CD72: variants seen among roughly 807,000 people sequenced by gnomAD.
CD72 encodes CD72 molecule, also known as B-cell differentiation antigen CD72.
A neutral mutation model predicts 50.7 loss-of-function variants in CD72; 28 were observed. That is an observed-to-expected ratio of 0.55 (90% CI 0.41 to 0.76). The LOEUF (loss-of-function observed/expected upper bound fraction) is 0.76, where lower values mean the gene tolerates loss of function less well. CD72 is among the 30% of genes least tolerant of loss of function. The pLI is 0.00. For synonymous variants in CD72, 176 were observed against 171.2 expected, an observed-to-expected ratio of 1.03 and a Z score of -0.22; for missense variants, 403 against 420.6, an observed-to-expected ratio of 0.96 and a Z score of 0.37.
At chr9:35,634,519 A>C (rs139634528) in intron 1 of CD72, among the ~76,000 whole-genome samples, 5,600 of 152,114 alleles carry the variant, frequency 0.037, 114 homozygotes, top group Non-Finnish European at 0.045. Flanking sequence ...GGCCCAGCTA[A>C]TTTTTGTATT....
At chr9:35,634,913 C>A (rs1823275545) in intron 1 of CD72, among the ~76,000 whole-genome samples, 1 of 152,210 alleles carries the variant, frequency 6.6e-6, no homozygotes, top group Admixed American at 6.5e-5. Context: ...TTTCTTGCTT[C>A]TTCTCTTCCC....
rs1188752988 is a variant in CD72 at position 35,617,215 on chromosome 9, T to C, written c.223A>G (p.Arg75Gly). Residue 75 changes from arginine (R) to glycine (G), a missense_variant, in exon 3 of 9, where the codon AGA becomes GGA. Arg to Gly is a moderately radical substitution (Grantham distance 125). Transcript: ENST00000259633. ...CCGACAGCTGGTGACGTCACGGCTC[T>C]CCAGGACGCAGTTGGCTGCTCCGAC... ...VKSEQPTASWRAVTSPAVGRI... is the reference protein window; with the variant it reads ...VKSEQPTASWGAVTSPAVGRI... 1 of 1,569,296 alleles carries C rather than the reference T, an allele frequency of 6.4e-7. No homozygotes were observed. The highest frequency in any genetic ancestry group is 1.9e-5 in the Admixed American group (1 of 53,974).
upstream of CD72, among the ~76,000 whole-genome samples, chr9:35,622,714 G>A (rs1823155974): frequency 6.6e-6 from 1 of 152,044 alleles, no homozygotes; most frequent in Non-Finnish European, 1.5e-5. Flanking sequence ...TTAAACCCGG[G>A]AGGCAGAGGT....
chr9:35,610,701 A>C lies in CD72; in HGVS notation c.1003T>G (p.Trp335Gly), dbSNP rs747292776. ...CNKVHKTWSW[W>G]TLESESCRSS... ...CTACATGACTCTGACTCCAGTGTCCACCATGACCAAGTTTTATGTACCTTG... is the reference window on the plus strand; with the variant it reads ...CTACATGACTCTGACTCCAGTGTCCCCCATGACCAAGTTTTATGTACCTTG... Residue 335 changes from tryptophan to glycine, a missense_variant, in exon 8 of 9, where the codon TGG (tryptophan) becomes GGG (glycine). Transcript: ENST00000259633. 3 of 1,611,072 alleles carry C rather than the reference A, an allele frequency of 1.9e-6. No homozygotes were observed. The highest frequency in any genetic ancestry group is 1.6e-4 in the Middle Eastern group (1 of 6,078).
upstream of CD72, among the ~76,000 whole-genome samples, chr9:35,620,471 C>T (rs1461885957): frequency 2.7e-5 from 3 of 112,902 alleles, no homozygotes; most frequent in Admixed American, 2.7e-4. Flanking sequence ...GCTCCATCTC[C>T]AAAAAAAAAA....
upstream of CD72, chr9:35,618,838 T>A: frequency 8.6e-7 from 1 of 1,165,820 alleles, no homozygotes; most frequent in Non-Finnish European, 1.1e-6. Context: ...TCCTGGGGGT[T>A]CCAGTAACTG....
intron 8 of CD72, 83 bp downstream of exon 8, chr9:35,610,519 C>T (rs1295091511): frequency 2.0e-6 from 2 of 988,978 alleles, no homozygotes; most frequent in Non-Finnish European, 2.8e-6. Context: ...TCTCTCGGGC[C>T]CCTGGGCCCC....
At chr9:35,641,201 G>A (rs879356121) in intron 1 of CD72, among the ~76,000 whole-genome samples, 13 of 152,240 alleles carry the variant, frequency 8.5e-5, no homozygotes, top group South Asian at 4.2e-4. Flanking sequence ...GGGTGCCTTC[G>A]ATGTCATTAA....
chr9:35,620,248 T>G (rs898314718), upstream of CD72, among the ~76,000 whole-genome samples: 7 of 151,928 alleles, frequency 4.6e-5, no homozygotes, highest in Non-Finnish European at 8.8e-5. Context: ...AAACCAAGCT[T>G]CTAGTCTGCA....
At chr9:35,632,209 G>A (rs573134280) in intron 1 of CD72, among the ~76,000 whole-genome samples, 4 of 147,034 alleles carry the variant, frequency 2.7e-5, no homozygotes, top group South Asian at 2.1e-4. Flanking sequence ...ACGGAGTATC[G>A]CTCTGTCACC....
chr9:35,625,469 A>G (rs929579757), intron 1 of CD72, among the ~76,000 whole-genome samples: 1 of 152,268 alleles, frequency 6.6e-6, no homozygotes, highest in African/African-American at 2.4e-5. Flanking sequence ...AGCCAGCTCT[A>G]TAACATAAAA....
At chr9:35,610,949 A>G (rs1822971632) in intron 7 of CD72, among the ~76,000 whole-genome samples, 196 bp from the exon 8 acceptor site, 1 of 152,196 alleles carries the variant, frequency 6.6e-6, no homozygotes, top group East Asian at 1.9e-4. Flanking sequence ...ATAACTCGAG[A>G]TCTTAAAGAT....
At chr9:35,615,584 C>T (rs16932509) in intron 5 of CD72, among the ~76,000 whole-genome samples, 3,844 of 151,894 alleles carry the variant, frequency 0.025, 174 homozygotes, top group African/African-American at 0.089. Flanking sequence ...AAAATGAGGT[C>T]CCTGTCTTTA....
At chr9:35,643,716 G>A (rs1279705241) in intron 1 of CD72, among the ~76,000 whole-genome samples, 4 of 152,132 alleles carry the variant, frequency 2.6e-5, no homozygotes, top group African/African-American at 9.7e-5. Flanking sequence ...GGTAACTCAC[G>A]CCTGTAATCC....
At chr9:35,643,699 C>T (rs758346229) in intron 1 of CD72, among the ~76,000 whole-genome samples, 1 of 152,104 alleles carries the variant, frequency 6.6e-6, no homozygotes, top group Middle Eastern at 3.2e-3. Context: ...TAGAAGGGGC[C>T]GGGCTGGGTA....
At chr9:35,639,870 T>C (rs1037821575) in intron 1 of CD72, among the ~76,000 whole-genome samples, 1 of 152,172 alleles carries the variant, frequency 6.6e-6, no homozygotes, top group Non-Finnish European at 1.5e-5. Flanking sequence ...GAAATGTAAC[T>C]CTGAGGATTA....
chr9:35,642,105 A>G (rs1422216147), intron 1 of CD72, among the ~76,000 whole-genome samples: 1 of 152,206 alleles, frequency 6.6e-6, no homozygotes, highest in Non-Finnish European at 1.5e-5. Context: ...CTGCTTTTCA[A>G]AGCCCTTTTT....
chr9:35,628,893 G>A (rs1187946912), intron 1 of CD72, among the ~76,000 whole-genome samples: 3 of 151,738 alleles, frequency 2.0e-5, no homozygotes, highest in Non-Finnish European at 4.4e-5. Context: ...TTGTTTTTTT[G>A]AGACAGGATC....
intron 1 of CD72, among the ~76,000 whole-genome samples, chr9:35,639,007 C>A (rs931790635): frequency 6.6e-6 from 1 of 151,666 alleles, no homozygotes; most frequent in African/African-American, 2.4e-5. Context: ...CCAGAGGGGC[C>A]GGAAGGCCGC....
Sources: allele counts gnomAD v4.1 joint callset (sites outside exome capture counted in the v4.1 genomes callset), GRCh38; gene constraint gnomAD v4.1.1; transcripts MANE v1.5; gene names NCBI Gene and HGNC (gene_info 2026-07-23, HGNC 2026-07-21).